The following NSMCE4A variants were observed in gnomAD, a reference collection of about 807,000 sequenced individuals.
The protein encoded by NSMCE4A is non-structural maintenance of chromosomes element 4 homolog A.
Under a neutral mutation model 47.9 loss-of-function variants are expected in NSMCE4A, and 40 were observed. The observed-to-expected ratio is 0.83, with a 90% CI of 0.65 to 1.09. NSMCE4A has a LOEUF of 1.09. Among genes scored for constraint, NSMCE4A ranks in the 50% least tolerant of loss-of-function variants. The probability of loss-of-function intolerance (pLI) is 0.00; values close to 1 mark genes in which losing one functional copy is unlikely to be tolerated. For missense variants in NSMCE4A, 500 were observed against 507.0 expected (o/e 0.99, Z 0.13); for synonymous variants, 166 against 178.5 (o/e 0.93, Z 0.56).
At chr10:121,962,813 T>G (rs1233531319) in intron 6 of NSMCE4A, among the ~76,000 whole-genome samples, 1 of 152,000 alleles carries the variant, frequency 6.6e-6, no homozygotes, top group East Asian at 1.9e-4. Flanking sequence ...GGTTTCTCCA[T>G]GTTGGTCAGG....
At chr10:121,974,546 C>A (rs1327517613) in intron 1 of NSMCE4A, 4 of 1,015,066 alleles carry the variant, frequency 3.9e-6, no homozygotes, top group Non-Finnish European at 4.7e-6. Flanking sequence ...CCGAGGACTG[C>A]CGGGCGCAAT....
At position 121,966,632 on chromosome 10, in the gene NSMCE4A, C is replaced by T. The variant is rs1271636686; in HGVS notation, c.653+1023G>A. 5 of 152,126 alleles carry T rather than the reference C, an allele frequency of 3.3e-5. No homozygotes were observed. The East Asian group carries it at 7.7e-4, about 23-fold the overall frequency. 9.4% of individuals were successfully genotyped at this position (152,126 alleles called of 1,614,324 possible). ...CATTGGCATCTCCAAGGCCTTCTACCCGAGCTACTATCAATCTCAATGGTT... is the reference window on the plus strand; with the variant it reads ...CATTGGCATCTCCAAGGCCTTCTACTCGAGCTACTATCAATCTCAATGGTT... On this transcript the variant is annotated intron_variant, in intron 4 of 10. Coordinates refer to ENST00000369023, the MANE Select transcript of NSMCE4A (RefSeq NM_017615.3).
intron 5 of NSMCE4A, among the ~76,000 whole-genome samples, chr10:121,963,586 A>C (rs1590780551): frequency 1.4e-5 from 2 of 139,246 alleles, no homozygotes; most frequent in African/African-American, 2.6e-5. Flanking sequence ...GTGCACCACT[A>C]CACCTGGCTA....
Position 121,961,508 on chromosome 10 carries a change from G to T in NSMCE4A, c.854C>A (p.Pro285Gln). Residue 285 changes from proline to glutamine, a missense_variant, in exon 7 of 11, where the codon CCA becomes CAA. Physicochemically the swap from Pro to Gln is moderately conservative, Grantham distance 76. Transcript: ENST00000369023. ...QTYFREDPDT[P>Q]MSFFDFVVDP... ...AACCACAAAGTCAAAGAAGGACATT[G>T]GGGTATCAGCTATAGACAAAAAGAG... 1.3e-6 allele frequency: 2 copies of T among 1,561,826 alleles called. No individual in the cohort carries two copies. The highest frequency in any genetic ancestry group is 8.6e-7 in the Non-Finnish European group (1 of 1,163,826).
At chr10:121,962,310 T>C (rs1276087324) in intron 6 of NSMCE4A, among the ~76,000 whole-genome samples, 2 of 151,406 alleles carry the variant, frequency 1.3e-5, no homozygotes, top group Non-Finnish European at 2.9e-5. Context: ...TCCCAGCTAC[T>C]TGGGAGGCTG....
chr10:121,957,429 C>CTTTTTTTT (rs34808169), intron 10 of NSMCE4A, among the ~76,000 whole-genome samples, 170 bp from the exon 11 acceptor site: 2 of 98,354 alleles, frequency 2.0e-5, no homozygotes, highest in African/African-American at 7.3e-5. Flanking sequence ...CTTCTTTTTT[C>CTTTTTTTT]TTTTTTTTTT....
chr10:121,972,805 C>T (rs925956301), intron 2 of NSMCE4A, among the ~76,000 whole-genome samples: 2 of 151,990 alleles, frequency 1.3e-5, no homozygotes, highest in Admixed American at 6.6e-5. Context: ...TTAGCAAATG[C>T]GGTAGACTAA....
chr10:121,959,218 A>G, intron 10 of NSMCE4A, 106 bp downstream of exon 10: 1 of 899,862 alleles, frequency 1.1e-6, no homozygotes, highest in South Asian at 1.4e-5. Context: ...ATGGGGCACT[A>G]CAGGGAGGCA....
At chr10:121,957,635 C>T (rs1157154251) in intron 10 of NSMCE4A, among the ~76,000 whole-genome samples, 3 of 151,654 alleles carry the variant, frequency 2.0e-5, no homozygotes, top group Non-Finnish European at 4.4e-5. Flanking sequence ...GGGGTTTCAC[C>T]GTGTTAGCCA....
chr10:121,973,606 A>G (rs138941243), intron 2 of NSMCE4A, among the ~76,000 whole-genome samples: 1 of 152,304 alleles, frequency 6.6e-6, no homozygotes, highest in African/African-American at 2.4e-5. Flanking sequence ...GGAGCTGAGG[A>G]AGGCAAAACA....
rs775477420 is a variant in NSMCE4A at position 121,959,380 on chromosome 10, G to C, written c.1114C>G (p.Pro372Ala). The part of the protein sequence containing the change: ...EIVKTFEISE[P>A]VITPSQRQQK... ...TGCCTCTGACTTGGAGTAATCACAG[G>C]CTCTGAAATCTCAAAGGTCTTCACA... The change falls in exon 10 of 11, where the codon CCT becomes GCT. Residue 372 changes from proline (P) to alanine (A), a missense_variant. By Grantham distance (27) the Pro-to-Ala change is conservative. Coordinates refer to ENST00000369023, the MANE Select transcript of NSMCE4A (RefSeq NM_017615.3). 1 of 1,614,174 alleles carries C rather than the reference G, an allele frequency of 6.2e-7. No individual in the cohort carries two copies. Among genetic ancestry groups the C allele is most frequent in the Non-Finnish European group, 8.5e-7 (1 of 1,180,050 alleles).
chr10:121,963,223 T>C lies in NSMCE4A; in HGVS notation c.844+15A>G. The C allele has an allele frequency of 6.6e-7, 1 of 1,520,674 alleles. No individual in the cohort carries two copies. The highest frequency in any genetic ancestry group is 9.1e-7 in the Non-Finnish European group (1 of 1,097,316). 94.2% of individuals were successfully genotyped at this position (1,520,674 alleles called of 1,614,324 possible). On this transcript the variant is annotated intron_variant, in intron 6 of 10. Transcript: ENST00000369023. ...TAAATACAAATTGCTCCACTTTGAA[T>C]GGTGTTACACTTACGATCTTCTCGA...
At chr10:121,961,748 C>A in intron 6 of NSMCE4A, 1 of 416,350 alleles carries the variant, frequency 2.4e-6, no homozygotes, top group East Asian at 4.2e-5. Flanking sequence ...TGTAACTGCA[C>A]AAAATTACAT....
chr10:121,970,924 T>C lies in NSMCE4A; in HGVS notation c.501+15A>G. On this transcript the variant is annotated intron_variant, in intron 3 of 10. Coordinates refer to ENST00000369023, the MANE Select transcript of NSMCE4A (RefSeq NM_017615.3). ...CAGAACATTTTTTATTCAGAGTCTG[T>C]AGCTTTGAACTTACTAGAGTTTCAA... 6.3e-7 allele frequency: 1 copy of C among 1,592,680 alleles called. No homozygotes were observed. Among genetic ancestry groups the C allele is most frequent in the South Asian group, 1.1e-5 (1 of 87,340 alleles).
chr10:121,973,966 T>C, intron 2 of NSMCE4A, 38 bp downstream of exon 2: 1 of 1,392,624 alleles, frequency 7.2e-7, no homozygotes, highest in Non-Finnish European at 1.0e-6. Flanking sequence ...ATTAAAAGTA[T>C]CATAAAACAC....
At chr10:121,972,336 ACT>A (rs56249947) in intron 2 of NSMCE4A, among the ~76,000 whole-genome samples, 20,497 of 151,580 alleles carry the variant, frequency 0.14, 1,589 homozygotes, top group Middle Eastern at 0.18. Flanking sequence ...TATTTTTCAT[ACT>A]CTCTGTTGCC....
At position 121,975,070 on chromosome 10, in the gene NSMCE4A, G is replaced by A. The variant is rs544677646; in HGVS notation, c.96C>T (p.Ser32=). 1.2e-4 allele frequency: 173 copies of A among 1,450,398 alleles called. 3 individuals carry two copies. The South Asian group carries it at 2.3e-3, about 19-fold the overall frequency. The allele number at this position is 1,450,398 out of a possible 1,614,324, so 89.8% of individuals were successfully genotyped here. Residue 32 remains serine, a synonymous_variant, in exon 1 of 11, where the codon TCC becomes TCT. Transcript: ENST00000369023. ...DRTRSRSRSR[S]PLSPRSRRGS... ...CGCGGCGGGACCTGGGCGACAAAGG[G>A]GACCGCGAGCGGGAGCGGGAGCGGG...
In NSMCE4A at chr10:121,967,705, T is replaced by C. The variant is rs145357765; in HGVS notation, c.603A>G (p.Thr201=). 3.3e-4 allele frequency: 526 copies of C among 1,614,104 alleles called. No individual in the cohort carries two copies. In the African/African-American group the frequency reaches 6.5e-3, roughly 20 times the overall value. Residue 201 remains threonine, a synonymous_variant, in exon 4 of 11, where the codon ACA becomes ACG. Coordinates refer to ENST00000369023, the MANE Select transcript of NSMCE4A (RefSeq NM_017615.3). ...EFIVYDSWKI[T]GRTAENTFNK... ...TAAAGGTGTTTTCTGCTGTTCTGCCTGTTATCTTCCAGGAGTCATAGACTA... is the reference window on the plus strand; with the variant it reads ...TAAAGGTGTTTTCTGCTGTTCTGCCCGTTATCTTCCAGGAGTCATAGACTA...
intron 4 of NSMCE4A, 125 bp downstream of exon 4, chr10:121,967,528 CAA>C: frequency 5.6e-6 from 6 of 1,063,640 alleles, no homozygotes; most frequent in Non-Finnish European, 8.0e-6. Context: ...ATCAAAGTTT[CAA>C]AAGTCTCCAA....
Sources: gnomAD v4.1 joint callset for allele counts (sites outside exome capture counted in the v4.1 genomes callset) on GRCh38, gnomAD v4.1.1 for gene constraint, MANE v1.5 for transcripts, NCBI Gene and HGNC (gene_info 2026-07-23, HGNC 2026-07-21) for gene names.